Variants in TAF10 observed in about 807,000 individuals in gnomAD.
TAF10 encodes TATA-box binding protein associated factor 10.
Under a neutral mutation model 18.1 loss-of-function variants are expected in TAF10, and 2 were observed. That is an observed-to-expected ratio of 0.11 (90% CI 0.05 to 0.35). TAF10 has a LOEUF of 0.35. Among genes scored for constraint, TAF10 ranks in the 10% least tolerant of loss-of-function variants. TAF10 has a pLI of 1.00. For synonymous variants in TAF10, 158 were observed against 134.6 expected, an observed-to-expected ratio of 1.17 and a Z score of -1.20; for missense variants, 293 against 306.9, an observed-to-expected ratio of 0.95 and a Z score of 0.34.
chr11:6,612,133 C>A lies in TAF10; in HGVS notation c.57G>T (p.Ser19=). 8.3e-7 allele frequency: 1 copy of A among 1,206,818 alleles called. No homozygotes were observed. The highest frequency in any genetic ancestry group is 1.0e-6 in the Non-Finnish European group (1 of 973,440). The allele number at this position is 1,206,818 out of a possible 1,614,324, so 74.8% of individuals were successfully genotyped here. A position where few individuals can be genotyped will look rare whatever the true frequency, so the allele number is the denominator to read the frequency against. Residue 19 remains serine (S), a synonymous_variant, in exon 1 of 5, where the codon TCG becomes TCT. Coordinates refer to ENST00000299424, the MANE Select transcript of TAF10 (RefSeq NM_006284.4). ...AGACCGGGGGCGCGGGGCCCGGGGC[C>A]GAGGCGGCGGAGGCCGGCGCCGCCT... The part of the protein sequence containing the change: ...DPEAAPASAA[S]APGPAPPVSA...
chr11:6,611,937 C>T, intron 1 of TAF10, 21 bp downstream of exon 1: 2 of 1,575,520 alleles, frequency 1.3e-6, no homozygotes, highest in Non-Finnish European at 1.7e-6. Flanking sequence ...TTCCCTCGCC[C>T]TCACCCGTCC....
In TAF10 at chr11:6,606,426, C is replaced by T. The variant is rs1259363134; in HGVS notation, c.*4496G>A. 6.6e-6 allele frequency: 1 copy of T among 152,164 alleles called. No homozygotes were observed. The highest frequency in any genetic ancestry group is 1.5e-5 in the Non-Finnish European group (1 of 68,034). The allele number at this position is 152,164 out of a possible 1,614,324, so 9.4% of individuals were successfully genotyped here. On this transcript the variant is annotated 3_prime_UTR_variant, in exon 5 of 5. Coordinates refer to ENST00000299424, the MANE Select transcript of TAF10 (RefSeq NM_006284.4). ...GGTTCTACACTATTTCTCTTTAATA[C>T]TTTGCAAAGTCATTTGTTCCATTTT...
chr11:6,611,639 T>A (rs992307602), intron 2 of TAF10, 25 bp downstream of exon 2: 2 of 1,577,356 alleles, frequency 1.3e-6, no homozygotes, highest in Non-Finnish European at 1.7e-6. Flanking sequence ...GCAGGCTAGG[T>A]GGCCTTGTTC....
At position 6,608,163 on chromosome 11, in the gene TAF10, C is replaced by T. The variant is rs751471922; in HGVS notation, c.*2759G>A. 1 of 1,614,114 alleles carries T rather than the reference C, an allele frequency of 6.2e-7. No homozygotes were observed. Among genetic ancestry groups the T allele is most frequent in the Non-Finnish European group, 8.5e-7 (1 of 1,180,016 alleles). On this transcript the variant is annotated 3_prime_UTR_variant, in exon 5 of 5. Coordinates refer to ENST00000299424, the MANE Select transcript of TAF10 (RefSeq NM_006284.4). The surrounding 1 kb of genome is among the most constrained non-coding windows in gnomAD (Gnocchi z 4.9). ...ATGTAATGAACCGTGGGGATGACACCCCCCTGCATCTGGCAGCCAGTCATG... is the reference window on the plus strand; with the variant it reads ...ATGTAATGAACCGTGGGGATGACACTCCCCTGCATCTGGCAGCCAGTCATG...
In TAF10 at chr11:6,612,136, G is replaced by A; in HGVS notation, c.54C>T (p.Ala18=). 8.3e-7 allele frequency: 1 copy of A among 1,202,730 alleles called. No individual in the cohort carries two copies. The highest frequency in any genetic ancestry group is 3.5e-5 in the East Asian group (1 of 28,348). 74.5% of individuals were successfully genotyped at this position (1,202,730 alleles called of 1,614,324 possible). The change falls in exon 1 of 5, where the codon GCC becomes GCT. Residue 18 remains alanine, a synonymous_variant. Transcript: ENST00000299424. ...ADPEAAPASA[A]SAPGPAPPVS... ...CCGGGGGCGCGGGGCCCGGGGCCGA[G>A]GCGGCGGAGGCCGGCGCCGCCTCGG...
rs146802778 is a variant in TAF10 at position 6,610,976 on chromosome 11, G to A, written c.603C>T (p.Thr201=). 9.1e-4 allele frequency: 1,476 copies of A among 1,614,052 alleles called. No individual in the cohort carries two copies. Among genetic ancestry groups the A allele is most frequent in the Non-Finnish European group, 1.1e-3 (1,342 of 1,180,034 alleles). ...TGATGCCATACTCGCTGAGGGCAGG[G>A]GTCAAGTCCTCCATGGTTAGAGTGT... ...RKYTLTMEDL[T]PALSEYGINV... The change falls in exon 5 of 5, where the codon ACC becomes ACT. Residue 201 remains threonine (T), a synonymous_variant. Coordinates refer to ENST00000299424, the MANE Select transcript of TAF10 (RefSeq NM_006284.4).
Position 6,607,843 on chromosome 11 carries a change from TTGAGA to T in TAF10, c.*3074_*3078del. 1 of 596,516 alleles carries T rather than the reference TTGAGA, an allele frequency of 1.7e-6. No homozygotes were observed. Among genetic ancestry groups the T allele is most frequent in the Non-Finnish European group, 3.0e-6 (1 of 333,776 alleles). 37.0% of individuals were successfully genotyped at this position (596,516 alleles called of 1,614,324 possible). A position where few individuals can be genotyped will look rare whatever the true frequency, so the allele number is the denominator to read the frequency against. ...ATAACACATTTTTTTATAGAGGTTG[TTGAGA>T]TATCTAGGTGGTTGGTTTGGTTTGA... is the stretch of plus-strand genomic sequence containing the variant. On this transcript the variant is annotated 3_prime_UTR_variant, in exon 5 of 5. Transcript: ENST00000299424.
At position 6,610,753 on chromosome 11, in the gene TAF10, C is replaced by G. The variant is rs1394349501; in HGVS notation, c.*169G>C. 1.3e-5 allele frequency: 17 copies of G among 1,334,316 alleles called. No homozygotes were observed. Among genetic ancestry groups the G allele is most frequent in the Non-Finnish European group, 1.6e-5 (15 of 941,304 alleles). The allele number at this position is 1,334,316 out of a possible 1,614,324, so 82.7% of individuals were successfully genotyped here. A position where few individuals can be genotyped will look rare whatever the true frequency, so the allele number is the denominator to read the frequency against. ...AGCCATGGGGTCCATCCCCTTCCCC[C>G]ATCCCTACCACTGTGGCCCCAAGAG... On this transcript the variant is annotated 3_prime_UTR_variant, in exon 5 of 5. Transcript: ENST00000299424.
chr11:6,609,156 G>A lies in TAF10; in HGVS notation c.*1766C>T. The stretch of plus-strand genomic sequence containing the variant: ...AGCTCAACGAGAATCACTCTGGAGA[G>A]GTGACCCCTGCCCTTCTTGCCCTTC... On this transcript the variant is annotated 3_prime_UTR_variant, in exon 5 of 5. Coordinates refer to ENST00000299424, the MANE Select transcript of TAF10 (RefSeq NM_006284.4). 1 of 1,613,482 alleles carries A rather than the reference G, an allele frequency of 6.2e-7. No homozygotes were observed. The highest frequency in any genetic ancestry group is 8.5e-7 in the Non-Finnish European group (1 of 1,179,436).
rs1855096084 is a variant in TAF10 at position 6,607,993 on chromosome 11, A to G, written c.*2929T>C. 1 of 1,591,624 alleles carries G rather than the reference A, an allele frequency of 6.3e-7. No individual in the cohort carries two copies. The highest frequency in any genetic ancestry group is 2.2e-5 in the East Asian group (1 of 44,728). ...TAATTATCAGTTTTTCAGGAATCAAAACCTTTGCCCCATCCCACCTCCAGC... is the reference window on the plus strand; with the variant it reads ...TAATTATCAGTTTTTCAGGAATCAAGACCTTTGCCCCATCCCACCTCCAGC... On this transcript the variant is annotated 3_prime_UTR_variant, in exon 5 of 5. Transcript: ENST00000299424.
At position 6,606,823 on chromosome 11, in the gene TAF10, G is replaced by A. The variant is rs2255405; in HGVS notation, c.*4099C>T. On this transcript the variant is annotated 3_prime_UTR_variant, in exon 5 of 5. Coordinates refer to ENST00000299424, the MANE Select transcript of TAF10 (RefSeq NM_006284.4). ...TTGCCCCCCGAGTTTGGCCTGCCCT[G>A]GCGCCACAGGCAGTACTGGAAGCTG... 33,192 of 152,138 alleles carry A rather than the reference G, an allele frequency of 0.22. 3,937 individuals carry two copies. Among genetic ancestry groups the A allele is most frequent in the Non-Finnish European group, 0.26 (17,653 of 67,998 alleles). 9.4% of individuals were successfully genotyped at this position (152,138 alleles called of 1,614,324 possible).
Position 6,608,485 on chromosome 11 carries a change from C to T in TAF10, c.*2437G>A, listed in dbSNP as rs1190579004. The T allele has an allele frequency of 6.2e-7, 1 of 1,611,906 alleles. No individual in the cohort carries two copies. The highest frequency in any genetic ancestry group is 1.3e-5 in the African/African-American group (1 of 74,878). On this transcript the variant is annotated 3_prime_UTR_variant, in exon 5 of 5. Coordinates refer to ENST00000299424, the MANE Select transcript of TAF10 (RefSeq NM_006284.4). This position sits in a 1 kb window ranked among gnomAD's most constrained non-coding sequence, Gnocchi z 4.9. ...TGTTTTTGGGGCCAAGATCAAGTGG[C>T]AGAGGTGAGTACTCAGCCCTTAATT... is the stretch of plus-strand genomic sequence containing the variant.
intron 4 of TAF10, 79 bp downstream of exon 4, chr11:6,611,108 TCA>T: frequency 6.3e-7 from 1 of 1,589,480 alleles, no homozygotes; most frequent in Non-Finnish European, 8.6e-7. Flanking sequence ...CCCCTACGAT[TCA>T]GTTTCCCCAA....
Position 6,609,190 on chromosome 11 carries a change from A to C in TAF10, c.*1732T>G. 6.2e-7 allele frequency: 1 copy of C among 1,601,658 alleles called. No individual in the cohort carries two copies. Among genetic ancestry groups the C allele is most frequent in the South Asian group, 1.1e-5 (1 of 90,780 alleles). On this transcript the variant is annotated 3_prime_UTR_variant, in exon 5 of 5. Coordinates refer to ENST00000299424, the MANE Select transcript of TAF10 (RefSeq NM_006284.4). The stretch of plus-strand genomic sequence containing the variant: ...TGCCCTTCTTGCCCTTCCCTCACTA[A>C]ACCCCCATAAATTACTTGCTTTGTA...
chr11:6,608,309 C>T lies in TAF10; in HGVS notation c.*2613G>A. 6.4e-7 allele frequency: 1 copy of T among 1,566,376 alleles called. No individual in the cohort carries two copies. Among genetic ancestry groups the T allele is most frequent in the Non-Finnish European group, 8.8e-7 (1 of 1,136,564 alleles). On this transcript the variant is annotated 3_prime_UTR_variant, in exon 5 of 5. Transcript: ENST00000299424. The surrounding 1 kb of genome is among the most constrained non-coding windows in gnomAD (Gnocchi z 4.9). ...AGTAGAAAGCATGTGTGCTCTTCCC[C>T]CTTTTCCCATGCCCTGACACCAGTA...
At position 6,609,739 on chromosome 11, in the gene TAF10, A is replaced by G. The variant is rs1275582308; in HGVS notation, c.*1183T>C. ...CTCCTCTCAGATTTCGTCGTGGACC[A>G]GAGCCAGGCTGTGAAGTTTGCTTTG... On this transcript the variant is annotated 3_prime_UTR_variant, in exon 5 of 5. Transcript: ENST00000299424. 2 of 1,614,242 alleles carry G rather than the reference A, an allele frequency of 1.2e-6. No homozygotes were observed. Among genetic ancestry groups the G allele is most frequent in the Non-Finnish European group, 1.7e-6 (2 of 1,180,042 alleles).
At position 6,607,571 on chromosome 11, in the gene TAF10, C is replaced by T; in HGVS notation, c.*3351G>A. On this transcript the variant is annotated 3_prime_UTR_variant, in exon 5 of 5. Coordinates refer to ENST00000299424, the MANE Select transcript of TAF10 (RefSeq NM_006284.4). ...TGTGGCCTGCCTTCTCCAAGACACC[C>T]TTCTCCCCCACTAACATGCACTGAA... 1 of 181,654 alleles carries T rather than the reference C, an allele frequency of 5.5e-6. No homozygotes were observed. Among genetic ancestry groups the T allele is most frequent in the Non-Finnish European group, 1.2e-5 (1 of 84,676 alleles). 11.3% of individuals were successfully genotyped at this position (181,654 alleles called of 1,614,324 possible).
Position 6,609,098 on chromosome 11 carries a change from G to A in TAF10, c.*1824C>T. The A allele has an allele frequency of 6.2e-7, 1 of 1,614,150 alleles. No homozygotes were observed. Among genetic ancestry groups the A allele is most frequent in the Non-Finnish European group, 8.5e-7 (1 of 1,180,006 alleles). ...AATGGAACCCTGAACAAACACTCTG[G>A]CATTGACTTCAAACAGCTTAACTTC... On this transcript the variant is annotated 3_prime_UTR_variant, in exon 5 of 5. Coordinates refer to ENST00000299424, the MANE Select transcript of TAF10 (RefSeq NM_006284.4).
chr11:6,610,027 C>T lies in TAF10; in HGVS notation c.*895G>A. On this transcript the variant is annotated 3_prime_UTR_variant, in exon 5 of 5. Transcript: ENST00000299424. ...CGCATGTATGCACCTGCCTGGGTAG[C>T]CCCCGAAGGTGAGTGAAGTCATCAT... is the stretch of plus-strand genomic sequence containing the variant. 1 of 1,614,142 alleles carries T rather than the reference C, an allele frequency of 6.2e-7. No homozygotes were observed. Among genetic ancestry groups the T allele is most frequent in the Non-Finnish European group, 8.5e-7 (1 of 1,180,020 alleles).
Sources: gnomAD v4.1 joint callset for allele counts on GRCh38, gnomAD v4.1.1 for gene constraint, Gnocchi (gnomAD v3.1) non-coding constraint, MANE v1.5 for transcripts, NCBI Gene and HGNC (gene_info 2026-07-23, HGNC 2026-07-21) for gene names.